The following ARHGEF17 variants were observed in gnomAD, a reference collection of about 807,000 sequenced individuals.
ARHGEF17 encodes Rho guanine nucleotide exchange factor 17, also known as 164 kDa Rho-specific guanine-nucleotide exchange factor.
In ARHGEF17, 80 loss-of-function variants were observed where a neutral mutation model predicts 174.0. The observed-to-expected ratio is 0.46, with a 90% CI of 0.38 to 0.55. The LOEUF (loss-of-function observed/expected upper bound fraction) is 0.55. ARHGEF17 is among the 20% of genes least tolerant of loss of function. ARHGEF17 has a pLI of 0.00. For synonymous variants in ARHGEF17, 1,311 were observed against 1,189.1 expected, an observed-to-expected ratio of 1.10 and a Z score of -2.11; for missense variants, 2,886 against 2,839.7, an observed-to-expected ratio of 1.02 and a Z score of -0.37.
intron 9 of ARHGEF17, among the ~76,000 whole-genome samples, chr11:73,358,431 G>A (rs1865681777): frequency 1.3e-5 from 2 of 148,918 alleles, no homozygotes; most frequent in African/African-American, 5.0e-5. Flanking sequence ...TCATGACCAG[G>A]TCACCTCCCA....
intron 1 of ARHGEF17, 82 bp downstream of exon 1, chr11:73,311,912 A>C: frequency 6.8e-7 from 1 of 1,466,004 alleles, no homozygotes. Context: ...TTTGCATTGT[A>C]TTCACTGGTC....
intron 9 of ARHGEF17, among the ~76,000 whole-genome samples, chr11:73,358,166 G>C (rs1407957758): frequency 1.3e-5 from 2 of 152,236 alleles, no homozygotes; most frequent in Non-Finnish European, 2.9e-5. Context: ...GGATGGGACA[G>C]TTTCTGTCAA....
chr11:73,345,774 A>AG (rs1160611437), intron 1 of ARHGEF17, among the ~76,000 whole-genome samples: 2 of 152,000 alleles, frequency 1.3e-5, no homozygotes, highest in Non-Finnish European at 2.9e-5. Context: ...CTGGGAGGGG[A>AG]GGGGAGAGAG....
intron 1 of ARHGEF17, among the ~76,000 whole-genome samples, chr11:73,326,683 C>T (rs1042173086): frequency 1.3e-5 from 2 of 152,102 alleles, no homozygotes; most frequent in African/African-American, 4.8e-5. Context: ...TTGCACATTG[C>T]ACTCCAACCT....
At position 73,311,477 on chromosome 11, in the gene ARHGEF17, C is replaced by T. The variant is rs1317089973; in HGVS notation, c.2839C>T (p.Leu947=). 1.9e-6 allele frequency: 3 copies of T among 1,613,072 alleles called. No homozygotes were observed. The African/African-American group carries it at 4.0e-5, about 22-fold the overall frequency. The change falls in exon 1 of 21, where the codon CTG becomes TTG. Residue 947 remains leucine, a synonymous_variant. Coordinates refer to ENST00000263674, the MANE Select transcript of ARHGEF17 (RefSeq NM_014786.4). ...DEGSQDQTGS[L]SRARPSSRHV... ...GGGCAGTCAGGACCAGACTGGCAGCCTGTCTCGGGCCCGGCCCTCCTCCAG... is the reference window on the plus strand; with the variant it reads ...GGGCAGTCAGGACCAGACTGGCAGCTTGTCTCGGGCCCGGCCCTCCTCCAG...
In ARHGEF17 at chr11:73,311,201, C is replaced by G. The variant is rs532204144; in HGVS notation, c.2563C>G (p.Pro855Ala). 17 of 1,599,506 alleles carry G rather than the reference C, an allele frequency of 1.1e-5. No homozygotes were observed. The highest frequency in any genetic ancestry group is 1.0e-4 in the Admixed American group (6 of 59,028). ...AGGGGAGCCCATCCGAGAAGTTGAG[C>G]CCATGCTGCCTCCATCCAGCAGCGA... The part of the protein sequence containing the change: ...PGGEPIREVE[P>A]MLPPSSSEPI... The change falls in exon 1 of 21, where the codon CCC (proline) becomes GCC (alanine). Residue 855 changes from proline to alanine, a missense_variant. Pro to Ala is a conservative substitution (Grantham distance 27, BLOSUM62 -1). Around this residue, in one of 4 missense-constraint regions of ARHGEF17, gnomAD observed 1,728 missense variants for 1,461.2 expected, o/e 1.18. Transcript: ENST00000263674.
chr11:73,315,977 C>T (rs994617283), intron 1 of ARHGEF17, among the ~76,000 whole-genome samples: 7 of 151,276 alleles, frequency 4.6e-5, no homozygotes, highest in African/African-American at 1.7e-4. Context: ...ACATTGCTGC[C>T]CCAAAGCAGG....
intron 1 of ARHGEF17, among the ~76,000 whole-genome samples, chr11:73,323,239 C>T (rs368804408): frequency 6.6e-6 from 1 of 152,148 alleles, no homozygotes; most frequent in Non-Finnish European, 1.5e-5. Flanking sequence ...AATGAAAGAG[C>T]AGGCTTGGGC....
intron 11 of ARHGEF17, among the ~76,000 whole-genome samples, chr11:73,360,829 C>CTGGATCAGGGAAAGCGA (rs1315760401): frequency 1.3e-5 from 2 of 152,216 alleles, no homozygotes; most frequent in African/African-American, 4.8e-5. Context: ...CTGAGCAGGG[C>CTGGATCAGGGAAAGCGA]TGGATCAGGG....
chr11:73,342,534 T>C (rs530100228), intron 1 of ARHGEF17, among the ~76,000 whole-genome samples: 12 of 152,240 alleles, frequency 7.9e-5, no homozygotes, highest in Non-Finnish European at 1.3e-4. Context: ...AGGGACTGTG[T>C]TGATGTGGGT....
At position 73,365,528 on chromosome 11, in the gene ARHGEF17, G is replaced by C; in HGVS notation, c.5689G>C (p.Val1897Leu). The C allele has an allele frequency of 6.2e-7, 1 of 1,614,178 alleles. No individual in the cohort carries two copies. Residue 1897 changes from valine (V) to leucine (L), a missense_variant, in exon 19 of 21, where the codon GTA becomes CTA. Physicochemically the swap from Val to Leu is conservative, Grantham distance 32 (BLOSUM62 1). Transcript: ENST00000263674. This position sits in a 1 kb window ranked among gnomAD's most constrained non-coding sequence, Gnocchi z 4.9. ...HPDTFEQLAE[V>L]DVTPPVHRML... ...AGACACCTTTGAGCAGCTGGCAGAA[G>C]TAGACGTCACTCCTCCCGTGCACAG...
At chr11:73,349,310 C>A (rs1418239957) in intron 2 of ARHGEF17, among the ~76,000 whole-genome samples, 1 of 152,194 alleles carries the variant, frequency 6.6e-6, no homozygotes, top group African/African-American at 2.4e-5. Context: ...CTACCTATCT[C>A]CCATCAAGAA....
chr11:73,359,810 C>A, intron 9 of ARHGEF17, 24 bp from the exon 10 acceptor site: 1 of 1,561,588 alleles, frequency 6.4e-7, no homozygotes, highest in South Asian at 1.2e-5. Context: ...TGTATCAGTC[C>A]ACGGCCTTCC....
chr11:73,352,764 C>T (rs1865575780), intron 2 of ARHGEF17, 66 bp from the exon 3 acceptor site: 2 of 1,575,242 alleles, frequency 1.3e-6, no homozygotes, highest in Middle Eastern at 1.7e-4. Flanking sequence ...CACACAGGGG[C>T]CCTGTGTAGG....
chr11:73,350,635 G>A (rs1423580586), intron 2 of ARHGEF17, among the ~76,000 whole-genome samples: 1 of 152,182 alleles, frequency 6.6e-6, no homozygotes, highest in East Asian at 1.9e-4. Context: ...GAAGTTAGGA[G>A]CCAGAAGGAG....
chr11:73,358,752 A>G (rs956449073), intron 9 of ARHGEF17, among the ~76,000 whole-genome samples: 18 of 151,742 alleles, frequency 1.2e-4, no homozygotes, highest in African/African-American at 4.4e-4. Context: ...GCGTGAGCCA[A>G]CACGTCAGCC....
rs745662326 is a variant in ARHGEF17, at chr11:73,310,424, C to G, written c.1786C>G (p.Arg596Gly). Residue 596 changes from arginine (R) to glycine (G), a missense_variant, in exon 1 of 21, where the codon CGC becomes GGC. Arg to Gly is a moderately radical substitution (Grantham distance 125). This residue lies in a region of ARHGEF17 where 1,728 missense variants were observed against 1,461.2 expected (regional missense o/e 1.18). Transcript: ENST00000263674. Reference protein sequence around the residue: ...IVQDQYVQEARQVFEKIQRMG... With the variant: ...IVQDQYVQEAGQVFEKIQRMG... ...CCAGGACCAATATGTGCAGGAGGCC[C>G]GCCAGGTTTTTGAGAAGATCCAGCG... 3.1e-6 allele frequency: 5 copies of G among 1,613,978 alleles called. No homozygotes were observed. Among genetic ancestry groups the G allele is most frequent in the Non-Finnish European group, 4.2e-6 (5 of 1,180,034 alleles).
In ARHGEF17 at chr11:73,310,325, G is replaced by A. The variant is rs976370201; in HGVS notation, c.1687G>A (p.Ala563Thr). Residue 563 changes from alanine to threonine, a missense_variant, in exon 1 of 21, where the codon GCT becomes ACT. By Grantham distance (58) the Ala-to-Thr change is moderately conservative. This residue lies in a region of ARHGEF17 where 1,728 missense variants were observed against 1,461.2 expected (regional missense o/e 1.18). Transcript: ENST00000263674. ...GGCCCGCCGCCTGCCCCGCACCAGTGCTCTGAAGTCCAGCTCCTCCGAGCT... is the reference window on the plus strand; with the variant it reads ...GGCCCGCCGCCTGCCCCGCACCAGTACTCTGAAGTCCAGCTCCTCCGAGCT... ...PMARRLPRTS[A>T]LKSSSSELLL... 7 of 1,613,822 alleles carry A rather than the reference G, an allele frequency of 4.3e-6. No individual in the cohort carries two copies. The highest frequency in any genetic ancestry group is 1.6e-4 in the Middle Eastern group (1 of 6,062).
intron 20 of ARHGEF17, 25 bp from the exon 21 acceptor site, chr11:73,367,559 G>A (rs1217710286): frequency 1.3e-6 from 2 of 1,590,554 alleles, no homozygotes; most frequent in Non-Finnish European, 8.6e-7. Flanking sequence ...CCCCCAAGCT[G>A]ACAGATCCTC....
Sources: gnomAD v4.1 joint callset for allele counts (sites outside exome capture counted in the v4.1 genomes callset) on GRCh38, gnomAD v4.1.1 for gene constraint, gnomAD v4.1.1 regional missense constraint, Gnocchi (gnomAD v3.1) non-coding constraint, MANE v1.5 for transcripts, NCBI Gene and HGNC (gene_info 2026-07-23, HGNC 2026-07-21) for gene names.